The following GPR180 variants were observed in gnomAD, a reference collection of about 807,000 sequenced individuals.
GPR180 encodes the protein G protein-coupled receptor 180.
In GPR180, 53 loss-of-function variants were observed where a neutral mutation model predicts 52.6. That is an observed-to-expected ratio of 1.01 (90% confidence interval 0.81 to 1.27). The LOEUF (loss-of-function observed/expected upper bound fraction) is 1.27. Among genes scored for constraint, GPR180 ranks in the 50% most tolerant of loss-of-function variants. GPR180 has a pLI of 0.00. For synonymous variants in GPR180, 200 were observed against 193.1 expected (o/e 1.04, Z -0.30); for missense variants, 533 against 527.0 (o/e 1.01, Z -0.11).
intron 7 of GPR180, among the ~76,000 whole-genome samples, chr13:94,624,630 T>C (rs1889899301): frequency 6.6e-6 from 1 of 152,240 alleles, no homozygotes; most frequent in African/African-American, 2.4e-5. Flanking sequence ...TGATCTCGGC[T>C]CACTGCAAGC....
chr13:94,626,120 G>C, intron 8 of GPR180, 77 bp downstream of exon 8: 1 of 905,086 alleles, frequency 1.1e-6, no homozygotes, highest in Non-Finnish European at 1.7e-6. Context: ...AAATAGGAGG[G>C]ACCTATTTAT....
At position 94,628,320 on chromosome 13, in the gene GPR180, C is replaced by T. The variant is rs1161669251; in HGVS notation, c.*1149C>T. On this transcript the variant is annotated 3_prime_UTR_variant, in exon 9 of 9. Coordinates refer to ENST00000376958, the MANE Select transcript of GPR180 (RefSeq NM_180989.6). ...GAATTGCTAAATGGTTGTCAATACTCGCTGTATAAAATGAGTATTCCCATT... is the reference window on the plus strand; with the variant it reads ...GAATTGCTAAATGGTTGTCAATACTTGCTGTATAAAATGAGTATTCCCATT... 6.6e-6 allele frequency: 1 copy of T among 152,086 alleles called. No individual in the cohort carries two copies. The highest frequency in any genetic ancestry group is 6.6e-5 in the Admixed American group (1 of 15,258). 9.4% of individuals were successfully genotyped at this position (152,086 alleles called of 1,614,324 possible).
chr13:94,621,035 T>C (rs767719419), intron 5 of GPR180, 43 bp from the exon 6 acceptor site: 2 of 1,548,648 alleles, frequency 1.3e-6, no homozygotes, highest in Non-Finnish European at 1.7e-6. Context: ...AAATTTTTTA[T>C]ATTGTGAAAA....
At chr13:94,624,736 G>A (rs1322521575) in intron 7 of GPR180, among the ~76,000 whole-genome samples, 1 of 152,172 alleles carries the variant, frequency 6.6e-6, no homozygotes, top group Non-Finnish European at 1.5e-5. Flanking sequence ...TAGAGACGGG[G>A]TTTCACCGTG....
At chr13:94,608,360 T>G (rs1889660231) in intron 2 of GPR180, among the ~76,000 whole-genome samples, 1 of 152,206 alleles carries the variant, frequency 6.6e-6, no homozygotes, top group Non-Finnish European at 1.5e-5. Context: ...AACAAAACCT[T>G]CTGCTGTTGT....
rs999516735 is a variant in GPR180, at chr13:94,601,898, C to T, written c.-30C>T. 5.8e-6 allele frequency: 8 copies of T among 1,380,912 alleles called. No homozygotes were observed. Among genetic ancestry groups the T allele is most frequent in the Non-Finnish European group, 6.6e-6 (7 of 1,068,216 alleles). 85.5% of individuals were successfully genotyped at this position (1,380,912 alleles called of 1,614,324 possible). A position where few individuals can be genotyped will look rare whatever the true frequency, so the allele number is the denominator to read the frequency against. ...CGGGCAGCCGCCGGCGGCTGGGAGC[C>T]GAGGCGTCGGTGCAGACCTGGAGAC... On this transcript the variant is annotated 5_prime_UTR_variant, in exon 1 of 9. Coordinates refer to ENST00000376958, the MANE Select transcript of GPR180 (RefSeq NM_180989.6).
rs771903316 is a variant in GPR180, at chr13:94,626,024, G to T, written c.1145G>T (p.Ser382Ile). 4.3e-6 allele frequency: 7 copies of T among 1,610,092 alleles called. No individual in the cohort carries two copies. In the South Asian group the frequency reaches 7.7e-5, roughly 18 times the overall value. The change falls in exon 8 of 9, where the codon AGC becomes ATC. Residue 382 changes from serine to isoleucine, a missense_variant. Ser to Ile is a moderately radical substitution (Grantham distance 142). Transcript: ENST00000376958. ...PVLACISVIF[S>I]DYQRDKVITI... Reference sequence around the variant, plus strand: ...CTTGCATGCATTTCTGTCATTTTTAGCGACTACCAAAGAGACAAGGTAAGA... The same window carrying T: ...CTTGCATGCATTTCTGTCATTTTTATCGACTACCAAAGAGACAAGGTAAGA...
intron 3 of GPR180, among the ~76,000 whole-genome samples, chr13:94,613,990 C>T (rs9556405): frequency 0.31 from 46,467 of 151,458 alleles, 7,709 homozygotes; most frequent in Non-Finnish European, 0.38. Flanking sequence ...GCAATTCTCC[C>T]GCCTCAGCCT....
At chr13:94,620,199 C>G (rs921031456) in intron 5 of GPR180, among the ~76,000 whole-genome samples, 10 of 152,200 alleles carry the variant, frequency 6.6e-5, no homozygotes, top group Admixed American at 3.9e-4. Context: ...AATTTTCTTA[C>G]CTCAAAGCTG....
rs7326576 is a variant in GPR180, at chr13:94,630,676, C to G, written c.*3505C>G. ...AAAAAAAGATCTAGCTTATATCACA[C>G]CCTCAGATACTTGGCACTAGCCATC... is the stretch of plus-strand genomic sequence containing the variant. On this transcript the variant is annotated 3_prime_UTR_variant, in exon 9 of 9. Transcript: ENST00000376958. 97,699 of 152,142 alleles carry G rather than the reference C, an allele frequency of 0.64. 33,409 individuals carry two copies. Among genetic ancestry groups the G allele is most frequent in the African/African-American group, 0.88 (36,658 of 41,540 alleles). The allele number at this position is 152,142 out of a possible 1,614,324, so 9.4% of individuals were successfully genotyped here.
chr13:94,621,342 T>A lies in GPR180; in HGVS notation c.894+107T>A, dbSNP rs1193042918. On this transcript the variant is annotated intron_variant, in intron 6 of 8. Transcript: ENST00000376958. ...TGGGACCCATAAGGAATTTGTGTCA[T>A]TTTTTTTTTCTTGAAATTTCTGAGC... The A allele has an allele frequency of 9.2e-6, 7 of 764,846 alleles. No homozygotes were observed. In the Admixed American group the frequency reaches 2.4e-4, roughly 26 times the overall value. 47.4% of individuals were successfully genotyped at this position (764,846 alleles called of 1,614,324 possible).
At chr13:94,617,249 A>G (rs1889790647) in intron 3 of GPR180, among the ~76,000 whole-genome samples, 1 of 152,168 alleles carries the variant, frequency 6.6e-6, no homozygotes. Context: ...TTATAAATAA[A>G]TAAAACTTTA....
At chr13:94,611,100 A>G (rs918408108) in intron 2 of GPR180, among the ~76,000 whole-genome samples, 1 of 152,218 alleles carries the variant, frequency 6.6e-6, no homozygotes, top group Non-Finnish European at 1.5e-5. Context: ...ACCCAAGGTC[A>G]CACAACAGGT....
In GPR180 at chr13:94,627,987, T is replaced by C. The variant is rs769911523; in HGVS notation, c.*816T>C. On this transcript the variant is annotated 3_prime_UTR_variant, in exon 9 of 9. Transcript: ENST00000376958. ...TTGATCCCAATAGAATTCATTTCTC[T>C]TACGTTGAATCCCCAATCATAATTA... is the stretch of plus-strand genomic sequence containing the variant. 2 of 152,496 alleles carry C rather than the reference T, an allele frequency of 1.3e-5. No homozygotes were observed. Among genetic ancestry groups the C allele is most frequent in the African/African-American group, 2.4e-5 (1 of 41,446 alleles). 9.4% of individuals were successfully genotyped at this position (152,496 alleles called of 1,614,324 possible). A position where few individuals can be genotyped will look rare whatever the true frequency, so the allele number is the denominator to read the frequency against.
At chr13:94,605,661 T>G in intron 2 of GPR180, 112 bp downstream of exon 2, 1 of 825,088 alleles carries the variant, frequency 1.2e-6, no homozygotes, top group Non-Finnish European at 1.8e-6. Flanking sequence ...AATCCCACTG[T>G]GATGACACTT....
At chr13:94,623,377 T>G in intron 7 of GPR180, 77 bp downstream of exon 7, 2 of 1,133,670 alleles carry the variant, frequency 1.8e-6, no homozygotes, top group Non-Finnish European at 1.3e-6. Context: ...AATAAACAAC[T>G]ACATGCTAAC....
chr13:94,611,859 C>A (rs975670467), intron 2 of GPR180, among the ~76,000 whole-genome samples: 1 of 150,332 alleles, frequency 6.7e-6, no homozygotes, highest in Non-Finnish European at 1.5e-5. Context: ...CCCCTCCCAT[C>A]GCTCCCAATA....
rs2138572837 is a variant in GPR180 at position 94,628,865 on chromosome 13, AAAG to A, written c.*1697_*1699del. On this transcript the variant is annotated 3_prime_UTR_variant, in exon 9 of 9. Coordinates refer to ENST00000376958, the MANE Select transcript of GPR180 (RefSeq NM_180989.6). ...AGATGCAAAAAAGAAATTAAGCAAAAAAGAAAAAGATGAAGACTTTTCATGAAT... is the reference window on the plus strand; with the variant it reads ...AGATGCAAAAAAGAAATTAAGCAAAAAAAAAGATGAAGACTTTTCATGAAT... The A allele has an allele frequency of 6.6e-6, 1 of 152,220 alleles. No individual in the cohort carries two copies. Among genetic ancestry groups the A allele is most frequent in the African/African-American group, 2.4e-5 (1 of 41,586 alleles). 9.4% of individuals were successfully genotyped at this position (152,220 alleles called of 1,614,324 possible).
Position 94,627,230 on chromosome 13 carries a change from A to C in GPR180, c.*59A>C. 1.4e-6 allele frequency: 2 copies of C among 1,444,442 alleles called. No individual in the cohort carries two copies. Among genetic ancestry groups the C allele is most frequent in the Non-Finnish European group, 1.9e-6 (2 of 1,049,760 alleles). 89.5% of individuals were successfully genotyped at this position (1,444,442 alleles called of 1,614,324 possible). A position where few individuals can be genotyped will look rare whatever the true frequency, so the allele number is the denominator to read the frequency against. ...GTTAAAAGAGTGCAATAAGGATCCA[A>C]ATACAGTGACTTTTTTTTCATACAT... On this transcript the variant is annotated 3_prime_UTR_variant, in exon 9 of 9. Coordinates refer to ENST00000376958, the MANE Select transcript of GPR180 (RefSeq NM_180989.6).
Sources: allele counts gnomAD v4.1 joint callset (sites outside exome capture counted in the v4.1 genomes callset), GRCh38; gene constraint gnomAD v4.1.1; transcripts MANE v1.5; gene names NCBI Gene and HGNC (gene_info 2026-07-23, HGNC 2026-07-21).